Variants in CIMIP2B observed in about 807,000 individuals in gnomAD.
The protein encoded by CIMIP2B is ciliary microtubule inner protein 2B, also known as family with sequence similarity 166 member B.
At chr9:35,563,033 C>T in the CIMIP2B span, 1 of 1,613,998 alleles carries the variant, frequency 6.2e-7, no homozygotes, top group Non-Finnish European at 8.5e-7. Context: ...TCGGCCCAGA[C>T]CTGGCTGCAG....
At chr9:35,562,234 CT>C in the CIMIP2B span, 1 of 1,040,086 alleles carries the variant, frequency 9.6e-7, no homozygotes, top group Non-Finnish European at 1.4e-6. Context: ...CCTCGGTTTC[CT>C]TTTCTGCCTG....
the CIMIP2B span, chr9:35,561,915 C>T: frequency 2.7e-6 from 1 of 376,128 alleles, no homozygotes; most frequent in African/African-American, 2.4e-5. Flanking sequence ...CTTTGTGTTC[C>T]CCCACCCTCC....
At chr9:35,563,143 C>T in the CIMIP2B span, 2 of 1,613,174 alleles carry the variant, frequency 1.2e-6, no homozygotes, top group South Asian at 1.1e-5. Context: ...GGGAGGGGCA[C>T]CTGTGCATAC....
the CIMIP2B span, chr9:35,563,172 A>G: frequency 6.2e-7 from 1 of 1,613,716 alleles, no homozygotes; most frequent in Non-Finnish European, 8.5e-7. Flanking sequence ...AAACCTGTGT[A>G]CCCAGGGATC....
At chr9:35,562,433 C>T in the CIMIP2B span, 2 of 1,570,524 alleles carry the variant, frequency 1.3e-6, no homozygotes, top group Non-Finnish European at 1.7e-6. Flanking sequence ...AGGGTATGTT[C>T]TGGGAAGTGG....
the CIMIP2B span, chr9:35,563,832 G>A: frequency 6.2e-7 from 1 of 1,613,786 alleles, no homozygotes; most frequent in African/African-American, 1.3e-5. Context: ...CAGCCATGGG[G>A]AGCCGGGCAT....
chr9:35,561,943 C>T, the CIMIP2B span: 13 of 439,182 alleles, frequency 3.0e-5, no homozygotes, highest in Non-Finnish European at 5.4e-5. Context: ...CCACCCACCT[C>T]TCTCCCTTCC....
the CIMIP2B span, chr9:35,562,562 T>A: frequency 6.3e-7 from 1 of 1,596,504 alleles, no homozygotes; most frequent in South Asian, 1.1e-5. Context: ...GCAGGGCACA[T>A]AGCCAGTGAA....
the CIMIP2B span, chr9:35,562,791 A>C: frequency 6.2e-7 from 1 of 1,607,702 alleles, no homozygotes; most frequent in Non-Finnish European, 8.5e-7. Context: ...CAGCCACACT[A>C]CTCATGCTGC....
the CIMIP2B span, chr9:35,562,164 T>C: frequency 1.0e-5 from 13 of 1,247,884 alleles, no homozygotes; most frequent in East Asian, 2.8e-4. Flanking sequence ...CTCAGCCAGT[T>C]GGCTAGACCT....
the CIMIP2B span, chr9:35,562,039 G>A: frequency 6.5e-7 from 1 of 1,535,524 alleles, no homozygotes; most frequent in Non-Finnish European, 8.7e-7. Context: ...AAGGTGCTGA[G>A]GCCCAGAGCA....
chr9:35,563,689 T>C, the CIMIP2B span: 4 of 1,378,664 alleles, frequency 2.9e-6, no homozygotes, highest in South Asian at 4.8e-5. Flanking sequence ...CTTGGCCCCA[T>C]GCTCTAAGCA....
chr9:35,562,234 C>A, the CIMIP2B span: 1 of 1,040,086 alleles, frequency 9.6e-7, no homozygotes, highest in Non-Finnish European at 1.4e-6. Context: ...CCTCGGTTTC[C>A]TTTTCTGCCT....
At chr9:35,562,066 C>G in the CIMIP2B span, 7 of 1,535,442 alleles carry the variant, frequency 4.6e-6, no homozygotes, top group Non-Finnish European at 5.2e-6. Flanking sequence ...GTGAGATGGC[C>G]AAATGTGTGG....
the CIMIP2B span, chr9:35,563,517 A>G: frequency 1.2e-6 from 1 of 803,114 alleles, no homozygotes; most frequent in Non-Finnish European, 2.0e-6. Flanking sequence ...AGGCATTTCT[A>G]AGTTCTCTGC....
chr9:35,562,568 G>C, the CIMIP2B span: 1 of 1,599,274 alleles, frequency 6.3e-7, no homozygotes, highest in East Asian at 2.3e-5. Context: ...CACATAGCCA[G>C]TGAAGCCTGA....
chr9:35,562,971 T>C, the CIMIP2B span: 3 of 1,614,004 alleles, frequency 1.9e-6, no homozygotes, highest in Non-Finnish European at 2.5e-6. Flanking sequence ...CCTCCTTTGG[T>C]AGCTCTTCAC....
At chr9:35,563,365 A>G in the CIMIP2B span, 2 of 1,613,268 alleles carry the variant, frequency 1.2e-6, no homozygotes, top group Non-Finnish European at 8.5e-7. Context: ...CGCTGAACCG[A>G]AGTAGTGGGC....
chr9:35,562,444 G>T, the CIMIP2B span: 1 of 1,578,806 alleles, frequency 6.3e-7, no homozygotes, highest in Non-Finnish European at 8.6e-7. Context: ...TGGGAAGTGG[G>T]GGGAGATGTT....
Sources: gnomAD v4.1 joint callset for allele counts on GRCh38, gnomAD v4.1.1 for gene constraint, MANE v1.5 for transcripts, NCBI Gene and HGNC (gene_info 2026-07-23, HGNC 2026-07-21) for gene names.